LINC00632: variants seen among roughly 807,000 people sequenced by gnomAD.
LINC00632 encodes the protein ALDOA related specific transcript.
At chrX:140,774,220 G>C (rs1312177563) in exon 4 of LINC00632, among the ~76,000 whole-genome samples, 1 of 112,070 alleles carries the variant, frequency 8.9e-6, no homozygotes, top group Non-Finnish European at 1.9e-5. Context: ...AGAACTCTAA[G>C]AATGTTCAAG....
In LINC00632 at chrX:140,715,472, G is replaced by T. The variant is rs551052272; in HGVS notation, n.104+3816G>T. Among the ~76,000 whole-genome samples, 19 of 110,383 alleles carry T rather than the reference G, an allele frequency of 1.7e-4. No homozygotes were observed. The East Asian group carries it at 3.5e-3, about 20-fold the overall frequency. ...TAGCCGGGCATGGTGGCACATGCTTGTAGTCCCAGCTACTCGGGAGGCTGA... is the reference window on the plus strand; with the variant it reads ...TAGCCGGGCATGGTGGCACATGCTTTTAGTCCCAGCTACTCGGGAGGCTGA... On this transcript the variant is annotated intron_variant and non_coding_transcript_variant, in intron 2 of 4. Transcript: ENST00000648200.
chrX:140,722,778 A>AAT (rs1166935520), intron 2 of LINC00632, among the ~76,000 whole-genome samples: 2 of 111,839 alleles, frequency 1.8e-5, no homozygotes, highest in Non-Finnish European at 3.8e-5. Context: ...AAACAAATGC[A>AAT]ATGGCTCATG....
chrX:140,721,117 A>G (rs1351199258), intron 2 of LINC00632, among the ~76,000 whole-genome samples: 2 of 111,773 alleles, frequency 1.8e-5, no homozygotes, highest in African/African-American at 6.5e-5. Context: ...CAATACATAC[A>G]AAGACCCCCA....
At chrX:140,774,292 A>G (rs548220718) in exon 4 of LINC00632, among the ~76,000 whole-genome samples, 10 of 112,442 alleles carry the variant, frequency 8.9e-5, no homozygotes, top group African/African-American at 3.2e-4. Flanking sequence ...TTGGTGGGCT[A>G]CATATTGACT....
chrX:140,742,859 G>A (rs1931248533), intron 3 of LINC00632, among the ~76,000 whole-genome samples: 1 of 94,606 alleles, frequency 1.1e-5, no homozygotes, highest in African/African-American at 4.1e-5. Context: ...GAGAGAGAGA[G>A]AGAGAGAGAG....
At chrX:140,780,516 G>T (rs770788562) in exon 5 of LINC00632, among the ~76,000 whole-genome samples, 3 of 111,537 alleles carry the variant, frequency 2.7e-5, no homozygotes, top group Non-Finnish European at 3.8e-5. Flanking sequence ...TTTGGACATG[G>T]ATGAGTTCTT....
intron 3 of LINC00632, among the ~76,000 whole-genome samples, chrX:140,739,945 T>C (rs1426733690): frequency 2.7e-5 from 3 of 112,566 alleles, no homozygotes; most frequent in African/African-American, 9.7e-5. Context: ...ACCTTTTCTA[T>C]ATATTATCGT....
intron 2 of LINC00632, among the ~76,000 whole-genome samples, chrX:140,720,783 A>C (rs916481358): frequency 8.9e-6 from 1 of 111,887 alleles, no homozygotes; most frequent in African/African-American, 3.3e-5. Flanking sequence ...CCAGACAACA[A>C]AGACTGGTCC....
At chrX:140,765,776 T>C (rs763563410) in intron 3 of LINC00632, among the ~76,000 whole-genome samples, 3 of 111,732 alleles carry the variant, frequency 2.7e-5, no homozygotes, top group Non-Finnish European at 5.6e-5. Flanking sequence ...TCTTGAATTG[T>C]TTGCTGCTAT....
chrX:140,771,679 A>ATTTT (rs1208342979), intron 3 of LINC00632, among the ~76,000 whole-genome samples: 1 of 56,962 alleles, frequency 1.8e-5, no homozygotes, highest in East Asian at 4.5e-4. Flanking sequence ...ATATATATAT[A>ATTTT]TATATATTTT....
chrX:140,791,047 GTTGA>G (rs745768432), exon 5 of LINC00632, among the ~76,000 whole-genome samples: 39 of 111,426 alleles, frequency 3.5e-4, no homozygotes, highest in Non-Finnish European at 6.8e-4. Flanking sequence ...GCAGATTGAT[GTTGA>G]TTAATAAAGA....
exon 5 of LINC00632, among the ~76,000 whole-genome samples, chrX:140,778,466 G>A (rs188413097): frequency 2.7e-5 from 3 of 110,652 alleles, no homozygotes; most frequent in Non-Finnish European, 5.7e-5. Context: ...TTAGCTGGGC[G>A]TGGTGGTGCA....
intron 3 of LINC00632, among the ~76,000 whole-genome samples, chrX:140,740,629 T>C (rs1931210523): frequency 9.0e-6 from 1 of 110,860 alleles, no homozygotes; most frequent in African/African-American, 3.3e-5. Context: ...CATTAAGACT[T>C]AGGTATTTCT....
At chrX:140,723,784 A>G (rs1602735083) in intron 2 of LINC00632, among the ~76,000 whole-genome samples, 1 of 4,392 alleles carries the variant, frequency 2.3e-4, no homozygotes, top group African/African-American at 7.3e-4. Context: ...CACATTCCAT[A>G]CACACATACA....
At chrX:140,724,499 CACACACACATTCCAT>C (rs1930874541) in intron 2 of LINC00632, among the ~76,000 whole-genome samples, 6 of 1,345 alleles carry the variant, frequency 4.5e-3, no homozygotes, top group African/African-American at 8.5e-3. Flanking sequence ...ACATTCCATA[CACACACACATTCCAT>C]ACACACACAT....
chrX:140,735,478 T>C (rs1028234351), intron 3 of LINC00632, among the ~76,000 whole-genome samples: 11 of 112,194 alleles, frequency 9.8e-5, no homozygotes, highest in Admixed American at 1.9e-4. Context: ...TAAAATTCAT[T>C]ATACACATAA....
intron 3 of LINC00632, among the ~76,000 whole-genome samples, chrX:140,753,964 T>C (rs112951358): frequency 0.033 from 3,650 of 110,199 alleles, 55 homozygotes; most frequent in South Asian, 0.059. Flanking sequence ...TTAGTAGAGA[T>C]GGGGTTTCAC....
intron 3 of LINC00632, among the ~76,000 whole-genome samples, chrX:140,734,759 C>CT (rs145614025): frequency 0.018 from 1,362 of 75,286 alleles, 27 homozygotes; most frequent in African/African-American, 0.059. Flanking sequence ...GGAAATACAT[C>CT]TTTTTTTTTT....
At chrX:140,742,734 C>T (rs1425221939) in intron 3 of LINC00632, among the ~76,000 whole-genome samples, 1 of 108,743 alleles carries the variant, frequency 9.2e-6, no homozygotes, top group African/African-American at 3.4e-5. Flanking sequence ...AGGTATCCCT[C>T]TAAAATACGT....
Sources: allele counts gnomAD v4.1 joint callset (sites outside exome capture counted in the v4.1 genomes callset), GRCh38; gene constraint gnomAD v4.1.1; transcripts MANE v1.5; gene names NCBI Gene and HGNC (gene_info 2026-07-23, HGNC 2026-07-21).